DLGAP1: variants seen among roughly 807,000 people sequenced by gnomAD.
DLGAP1 encodes the protein disks large-associated protein 1.
DLGAP1 carries 11 observed loss-of-function variants against 90.8 expected under a neutral mutation model. That is an observed-to-expected ratio of 0.12 (90% CI 0.08 to 0.20). DLGAP1 has a LOEUF of 0.20. DLGAP1 is among the 10% of genes least tolerant of loss of function. The probability of loss-of-function intolerance (pLI) is 1.00; values close to 1 mark genes in which losing one functional copy is unlikely to be tolerated. For synonymous variants in DLGAP1, 558 were observed against 540.7 expected, an observed-to-expected ratio of 1.03 and a Z score of -0.44; for missense variants, 1,050 against 1,333.8, an observed-to-expected ratio of 0.79 and a Z score of 3.31.
chr18:4,363,121 C>T (rs908089691), intron 1 of DLGAP1, among the ~76,000 whole-genome samples: 2 of 152,062 alleles, frequency 1.3e-5, no homozygotes, highest in Admixed American at 1.3e-4. Context: ...AATGAAATGG[C>T]CATAGTGGCC....
chr18:3,806,248 C>A (rs928884527), intron 5 of DLGAP1, among the ~76,000 whole-genome samples: 6 of 152,206 alleles, frequency 3.9e-5, no homozygotes, highest in Admixed American at 2.6e-4. Flanking sequence ...AAACAAAAAA[C>A]CACAATCCTT....
At chr18:3,942,925 G>A (rs989418) in intron 3 of DLGAP1, among the ~76,000 whole-genome samples, 4,148 of 152,018 alleles carry the variant, frequency 0.027, 193 homozygotes, top group African/African-American at 0.094. Flanking sequence ...ACCAGGTGGG[G>A]TGGATTCAGC....
intron 2 of DLGAP1, among the ~76,000 whole-genome samples, chr18:4,115,726 A>C (rs2144052032): frequency 6.6e-6 from 1 of 152,196 alleles, no homozygotes; most frequent in Admixed American, 6.5e-5. Flanking sequence ...GACCTCCCAA[A>C]GTGCTGGGAT....
chr18:4,056,518 A>G (rs1013936292), intron 2 of DLGAP1, among the ~76,000 whole-genome samples: 2 of 152,206 alleles, frequency 1.3e-5, no homozygotes, highest in South Asian at 2.1e-4. Context: ...GATCCTGTCA[A>G]TTCTGTATTA....
At chr18:4,014,876 G>A (rs1264952972) in intron 2 of DLGAP1, among the ~76,000 whole-genome samples, 1 of 152,138 alleles carries the variant, frequency 6.6e-6, no homozygotes, top group Non-Finnish European at 1.5e-5. Context: ...AGGTGCAGGT[G>A]GATGCCAGGT....
chr18:3,888,741 T>C (rs1218953122), intron 3 of DLGAP1, among the ~76,000 whole-genome samples: 1 of 152,212 alleles, frequency 6.6e-6, no homozygotes, highest in African/African-American at 2.4e-5. Flanking sequence ...TTGATATTGG[T>C]GGTTGAGCAA....
chr18:3,661,567 AG>A (rs2059680427), intron 7 of DLGAP1, among the ~76,000 whole-genome samples: 1 of 132,642 alleles, frequency 7.5e-6, no homozygotes, highest in South Asian at 2.2e-4. Flanking sequence ...AGAAGCTGTA[AG>A]GTCTTTTTTT....
rs75125140 is a variant in DLGAP1 at position 3,937,150 on chromosome 18, C to G, written c.-72-57010G>C. ...TGTACACCTCATGACTCGATGTGTG[C>G]TTTCAAGCTACTACATTGCATTTAA... On this transcript the variant is annotated intron_variant, in intron 3 of 12. Transcript: ENST00000315677. Among the ~76,000 whole-genome samples, 757 of 152,338 alleles carry G rather than the reference C, an allele frequency of 5.0e-3. 3 individuals carry two copies. The highest frequency in any genetic ancestry group is 7.9e-3 in the Non-Finnish European group (539 of 68,022).
At chr18:4,334,037 G>A (rs1243674407) in intron 1 of DLGAP1, among the ~76,000 whole-genome samples, 29 of 151,492 alleles carry the variant, frequency 1.9e-4, no homozygotes, top group African/African-American at 6.6e-4. Flanking sequence ...CCAGGAGTTC[G>A]AGACCAGCCT....
At chr18:4,078,227 G>C (rs1021983053) in intron 2 of DLGAP1, among the ~76,000 whole-genome samples, 1 of 152,094 alleles carries the variant, frequency 6.6e-6, no homozygotes, top group Non-Finnish European at 1.5e-5. Flanking sequence ...ACTGATAACA[G>C]TAACACTAAA....
intron 4 of DLGAP1, among the ~76,000 whole-genome samples, chr18:3,868,379 A>G (rs1002081542): frequency 6.6e-6 from 1 of 152,184 alleles, no homozygotes; most frequent in Admixed American, 6.5e-5. Context: ...GGGTTCCTTT[A>G]AAGGACTTTA....
At chr18:4,338,728 T>C (rs2081125799) in intron 1 of DLGAP1, among the ~76,000 whole-genome samples, 1 of 152,216 alleles carries the variant, frequency 6.6e-6, no homozygotes, top group Non-Finnish European at 1.5e-5. Flanking sequence ...GCTGCTTGTT[T>C]CTTTATACAT....
chr18:3,886,011 T>C (rs771563497), intron 3 of DLGAP1, among the ~76,000 whole-genome samples: 6 of 152,178 alleles, frequency 3.9e-5, no homozygotes, highest in Non-Finnish European at 8.8e-5. Flanking sequence ...AGCTGGCAAG[T>C]CCTTATTCCA....
chr18:4,195,262 A>G (rs2077475195), intron 1 of DLGAP1, among the ~76,000 whole-genome samples: 1 of 152,086 alleles, frequency 6.6e-6, no homozygotes, highest in African/African-American at 2.4e-5. Context: ...AGTACAATAT[A>G]TGAGACTTTG....
intron 2 of DLGAP1, among the ~76,000 whole-genome samples, chr18:4,056,227 A>G (rs2075214518): frequency 1.3e-5 from 2 of 152,132 alleles, no homozygotes; most frequent in African/African-American, 4.8e-5. Context: ...AGGAATGAGG[A>G]TCCTCGTACT....
intron 7 of DLGAP1, among the ~76,000 whole-genome samples, chr18:3,651,924 T>A (rs2059321572): frequency 6.6e-6 from 1 of 151,464 alleles, no homozygotes; most frequent in South Asian, 2.1e-4. Context: ...CGAGCCGAGA[T>A]CACGCCACTG....
At chr18:4,162,634 A>G (rs748653798) in intron 1 of DLGAP1, among the ~76,000 whole-genome samples, 1 of 152,196 alleles carries the variant, frequency 6.6e-6, no homozygotes, top group Non-Finnish European at 1.5e-5. Flanking sequence ...GACCATGTCC[A>G]GTGTCAGAGA....
chr18:3,768,072 A>G (rs1315093697), intron 5 of DLGAP1, among the ~76,000 whole-genome samples: 1 of 152,144 alleles, frequency 6.6e-6, no homozygotes, highest in African/African-American at 2.4e-5. Flanking sequence ...GAACTTAACA[A>G]AAAAACTTCT....
At chr18:4,250,820 A>T (rs2078763598) in intron 1 of DLGAP1, among the ~76,000 whole-genome samples, 2 of 152,208 alleles carry the variant, frequency 1.3e-5, no homozygotes, top group Non-Finnish European at 2.9e-5. Flanking sequence ...TGACTTATTC[A>T]AAAGCAGACC....
Sources: allele counts gnomAD v4.1 joint callset (sites outside exome capture counted in the v4.1 genomes callset), GRCh38; gene constraint gnomAD v4.1.1; transcripts MANE v1.5; gene names NCBI Gene and HGNC (gene_info 2026-07-23, HGNC 2026-07-21).